The following PTBP3 variants were observed in gnomAD, a reference collection of about 807,000 sequenced individuals.
PTBP3 encodes the protein polypyrimidine tract-binding protein 3.
PTBP3 carries 20 observed loss-of-function variants against 58.7 expected under a neutral mutation model. The observed-to-expected ratio is 0.34, with a 90% confidence interval of 0.24 to 0.50. The LOEUF (loss-of-function observed/expected upper bound fraction) is 0.50, where lower values mean the gene tolerates loss of function less well. PTBP3 is among the 20% of genes least tolerant of loss of function. The pLI is 0.98. For missense variants in PTBP3, 509 were observed against 637.2 expected, an observed-to-expected ratio of 0.80 and a Z score of 2.17; for synonymous variants, 185 against 219.8, an observed-to-expected ratio of 0.84 and a Z score of 1.40.
chr9:112,332,155 C>A (rs1024399281), intron 1 of PTBP3, among the ~76,000 whole-genome samples: 1 of 152,128 alleles, frequency 6.6e-6, no homozygotes, highest in Non-Finnish European at 1.5e-5. Context: ...AATATATACA[C>A]CTACTGTGTA....
chr9:112,324,485 T>C (rs1830076990), intron 1 of PTBP3, among the ~76,000 whole-genome samples: 1 of 152,122 alleles, frequency 6.6e-6, no homozygotes, highest in African/African-American at 2.4e-5. Flanking sequence ...AAACTCTGTC[T>C]CTACTAAATA....
intron 7 of PTBP3, among the ~76,000 whole-genome samples, chr9:112,235,962 G>A (rs1438187981): frequency 1.3e-5 from 2 of 152,042 alleles, no homozygotes; most frequent in South Asian, 2.1e-4. Context: ...AGGGCACAGA[G>A]AATGAGAAAT....
At chr9:112,297,649 A>G (rs760289932) in intron 2 of PTBP3, among the ~76,000 whole-genome samples, 183 bp downstream of exon 2, 13 of 152,334 alleles carry the variant, frequency 8.5e-5, no homozygotes, top group Middle Eastern at 3.4e-3. Flanking sequence ...GAATCCTTAA[A>G]ATTTGAGAGG....
At chr9:112,368,644 A>G in the PTBP3 span, among the ~76,000 whole-genome samples, 1 of 152,118 alleles carries the variant, frequency 6.6e-6, no homozygotes, top group Admixed American at 6.5e-5. Context: ...TTATAATTTC[A>G]TAAGGGGACA....
chr9:112,374,157 T>C, the PTBP3 span, among the ~76,000 whole-genome samples: 1 of 152,192 alleles, frequency 6.6e-6, no homozygotes, highest in Non-Finnish European at 1.5e-5. Context: ...ACTGATTTCA[T>C]CTTGATAATC....
At chr9:112,358,698 G>A in the PTBP3 span, among the ~76,000 whole-genome samples, 1 of 152,136 alleles carries the variant, frequency 6.6e-6, no homozygotes, top group East Asian at 1.9e-4. Context: ...TGTAGTCCCA[G>A]CTACTCACTT....
intron 7 of PTBP3, 75 bp downstream of exon 7, chr9:112,250,854 A>C (rs1174255905): frequency 7.5e-7 from 1 of 1,331,916 alleles, no homozygotes; most frequent in Non-Finnish European, 9.9e-7. Context: ...AAAGGCTTAT[A>C]AACATACATG....
chr9:112,350,103 A>C, the PTBP3 span, among the ~76,000 whole-genome samples: 19 of 152,174 alleles, frequency 1.2e-4, no homozygotes, highest in Admixed American at 1.2e-3. Flanking sequence ...CCATTATTCT[A>C]AGTGAAATAA....
chr9:112,262,465 A>G lies in PTBP3; in HGVS notation c.486T>C (p.Phe162=). The G allele has an allele frequency of 4.3e-6, 7 of 1,609,710 alleles. No individual in the cohort carries two copies. The highest frequency in any genetic ancestry group is 5.9e-6 in the Non-Finnish European group (7 of 1,178,612). ...PVLRIIIENL[F]YPVTLEVLHQ... is the part of the protein sequence containing the mutation. ...GAAGAACTTCCAGGGTAACAGGGTA[A>G]AAGAGGTTTTCAATAATTATTCGAA... The change falls in exon 5 of 14, where the codon TTT becomes TTC. Residue 162 remains phenylalanine, a synonymous_variant. Coordinates refer to ENST00000374257, the MANE Select transcript of PTBP3 (RefSeq NM_001163788.4).
At chr9:112,327,179 G>C (rs1409305810) in intron 1 of PTBP3, among the ~76,000 whole-genome samples, 1 of 151,760 alleles carries the variant, frequency 6.6e-6, no homozygotes. Flanking sequence ...ACTCCAGCCC[G>C]GGCAATGACA....
At chr9:112,306,322 GC>G (rs1829207413) in intron 1 of PTBP3, among the ~76,000 whole-genome samples, 1 of 151,652 alleles carries the variant, frequency 6.6e-6, no homozygotes, top group South Asian at 2.1e-4. Flanking sequence ...ACACCACCAT[GC>G]CCAGCTAATT....
At chr9:112,307,352 G>A (rs1007076374) in intron 1 of PTBP3, among the ~76,000 whole-genome samples, 1 of 152,074 alleles carries the variant, frequency 6.6e-6, no homozygotes, top group Non-Finnish European at 1.5e-5. Context: ...TACTTTGGGG[G>A]CTGAGGTGGG....
chr9:112,333,536 G>T lies in PTBP3; in HGVS notation c.-118C>A, dbSNP rs1198280476. 1 of 1,557,660 alleles carries T rather than the reference G, an allele frequency of 6.4e-7. No homozygotes were observed. Among genetic ancestry groups the T allele is most frequent in the African/African-American group, 1.4e-5 (1 of 70,964 alleles). On this transcript the variant is annotated 5_prime_UTR_variant, in exon 1 of 14. Coordinates refer to ENST00000374257, the MANE Select transcript of PTBP3 (RefSeq NM_001163788.4). ...GACGGGCTAACCGCGAGCAGAGGAA[G>T]CAGGCGGCGGCAGCAGGGCGGTTCC...
Position 112,221,346 on chromosome 9 carries a change from A to G in PTBP3, c.*2505T>C. ...AAAGGATTCAAATGTTCTCTCTCAG[A>G]CTTAAAAGGCCATTCCCTACTTCAA... On this transcript the variant is annotated 3_prime_UTR_variant, in exon 14 of 14. Coordinates refer to ENST00000374257, the MANE Select transcript of PTBP3 (RefSeq NM_001163788.4). 1.0e-6 allele frequency: 1 copy of G among 985,844 alleles called. No individual in the cohort carries two copies. The highest frequency in any genetic ancestry group is 1.2e-6 in the Non-Finnish European group (1 of 829,924). 61.1% of individuals were successfully genotyped at this position (985,844 alleles called of 1,614,324 possible).
chr9:112,292,892 A>G (rs1828504697), intron 2 of PTBP3, among the ~76,000 whole-genome samples: 1 of 152,230 alleles, frequency 6.6e-6, no homozygotes, highest in Non-Finnish European at 1.5e-5. Context: ...AATGTACAAG[A>G]TGGTAAATTT....
chr9:112,304,728 G>A (rs1829095044), intron 1 of PTBP3, among the ~76,000 whole-genome samples: 1 of 152,074 alleles, frequency 6.6e-6, no homozygotes, highest in African/African-American at 2.4e-5. Flanking sequence ...ACTTTGCCTG[G>A]CTGATTTTTT....
the PTBP3 span, among the ~76,000 whole-genome samples, chr9:112,379,753 C>T: frequency 9.2e-5 from 14 of 152,376 alleles, no homozygotes; most frequent in Non-Finnish European, 1.9e-4. Flanking sequence ...ACCCTCCCAG[C>T]TCGGAGCCGG....
the PTBP3 span, among the ~76,000 whole-genome samples, chr9:112,345,341 TAAAAAAAAAAAAAAAAAAA>T: frequency 1.1e-4 from 7 of 63,696 alleles, no homozygotes; most frequent in African/African-American, 3.4e-4. Context: ...CCCTCATCTC[TAAAAAAAAAAAAAAAAAAA>T]AAAAAAAAAA....
the PTBP3 span, among the ~76,000 whole-genome samples, chr9:112,361,721 T>C: frequency 2.6e-5 from 4 of 152,218 alleles, no homozygotes; most frequent in African/African-American, 9.6e-5. Context: ...AACATGTTTT[T>C]ATTTCTCTTC....
Sources: allele counts gnomAD v4.1 joint callset (sites outside exome capture counted in the v4.1 genomes callset), GRCh38; gene constraint gnomAD v4.1.1; transcripts MANE v1.5; gene names NCBI Gene and HGNC (gene_info 2026-07-23, HGNC 2026-07-21).